SATL1: variants seen among roughly 807,000 people sequenced by gnomAD.
SATL1 encodes the protein spermidine/spermine N(1)-acetyltransferase-like protein 1.
SATL1 carries 47 observed loss-of-function variants against 51.8 expected under a neutral mutation model. The observed-to-expected ratio is 0.91, with a 90% CI of 0.72 to 1.16. SATL1 has a LOEUF of 1.16. Among genes scored for constraint, SATL1 ranks in the 50% most tolerant of loss-of-function variants. The probability of loss-of-function intolerance (pLI) is 0.00; values close to 1 mark genes in which losing one functional copy is unlikely to be tolerated. For synonymous variants in SATL1, 176 were observed against 182.4 expected (o/e 0.97, Z 0.28); for missense variants, 520 against 526.4 (o/e 0.99, Z 0.12).
chrX:85,161,907 T>C (rs2147728826), intron 2 of SATL1, among the ~76,000 whole-genome samples: 1 of 111,560 alleles, frequency 9.0e-6, no homozygotes, highest in East Asian at 2.8e-4. Context: ...GACCACACCA[T>C]TGGACATAAA....
chrX:85,103,542 T>C (rs1007136635), intron 4 of SATL1, among the ~76,000 whole-genome samples: 1 of 112,020 alleles, frequency 8.9e-6, no homozygotes, highest in African/African-American at 3.2e-5. Flanking sequence ...ATTTTGCTTT[T>C]ATCAATTTCC....
At chrX:85,237,691 A>T (rs1928507702) in intron 1 of SATL1, among the ~76,000 whole-genome samples, 2 of 111,710 alleles carry the variant, frequency 1.8e-5, no homozygotes, top group South Asian at 7.4e-4. Flanking sequence ...GAAGCACAGG[A>T]CCAAAGAAAA....
At chrX:85,204,757 C>T (rs922292036) in intron 2 of SATL1, among the ~76,000 whole-genome samples, 4 of 111,863 alleles carry the variant, frequency 3.6e-5, no homozygotes, top group Non-Finnish European at 5.6e-5. Flanking sequence ...ACTATTCATT[C>T]GCCAGATCTT....
At chrX:85,239,677 T>A (rs1047635248) in intron 1 of SATL1, among the ~76,000 whole-genome samples, 1 of 111,599 alleles carries the variant, frequency 9.0e-6, no homozygotes, top group African/African-American at 3.3e-5. Context: ...CACAAGTCAA[T>A]GGAACCTAAA....
chrX:85,127,847 C>T (rs1332805427), intron 2 of SATL1, among the ~76,000 whole-genome samples: 1 of 110,703 alleles, frequency 9.0e-6, no homozygotes, highest in Non-Finnish European at 1.9e-5. Flanking sequence ...GCCCTATGTC[C>T]AAGTGTTCTC....
chrX:85,165,878 A>C (rs1926823794), intron 2 of SATL1, among the ~76,000 whole-genome samples: 1 of 112,034 alleles, frequency 8.9e-6, no homozygotes, highest in African/African-American at 3.2e-5. Flanking sequence ...TTCAAACTGT[A>C]CTACCAGCCT....
intron 2 of SATL1, among the ~76,000 whole-genome samples, chrX:85,204,636 A>G (rs1452950864): frequency 9.0e-6 from 1 of 111,447 alleles, no homozygotes; most frequent in Non-Finnish European, 1.9e-5. Flanking sequence ...TTCCTCTCTA[A>G]TTGTTGGAGT....
Position 85,108,289 on chromosome X carries a change from C to A in SATL1, c.680G>T (p.Gly227Val), listed in dbSNP as rs919063411. 2 of 1,210,935 alleles carry A rather than the reference C, an allele frequency of 1.7e-6. No homozygotes were observed. The highest frequency in any genetic ancestry group is 4.6e-4 in the Middle Eastern group (2 of 4,349). Residue 227 changes from glycine (G) to valine (V), a missense_variant, in exon 3 of 8, where the codon GGC becomes GTC. Gly to Val is a moderately radical substitution (Grantham distance 109, BLOSUM62 -3). Around this residue, in one of 3 missense-constraint regions of SATL1, gnomAD observed 488 missense variants for 474.3 expected, o/e 1.03. Coordinates refer to ENST00000644105, the MANE Select transcript of SATL1 (RefSeq NM_001367857.2). ...TTGGCTAGTGTCTGGTTGCCTTATG[C>A]CTGGTTGGCTGGGGACTTGCTGGCT... is the stretch of plus-strand genomic sequence containing the variant. The part of the protein sequence containing the change: ...GMSQQVPSQP[G>V]IRQPDTSQSC...
intron 7 of SATL1, chrX:85,092,885 T>A (rs1346484569): frequency 1.2e-5 from 4 of 323,936 alleles, no homozygotes; most frequent in African/African-American, 2.6e-5. Flanking sequence ...ATATTCATAC[T>A]GTGAGCCTGT....
In SATL1 at chrX:85,110,439, A is replaced by G. The variant is rs750675020; in HGVS notation, c.-312-1159T>C. 1.2e-3 allele frequency among the ~76,000 whole-genome samples: 131 copies of G among 112,369 alleles called. 1 individual carries two copies. The highest frequency in any genetic ancestry group is 4.5e-3 in the Admixed American group (48 of 10,599). ...ATGGAATATTATTTATTTTTTAAAT[A>G]TACCAGAGAACTTTGGATGAGGCTG... On this transcript the variant is annotated intron_variant, in intron 2 of 7. Coordinates refer to ENST00000644105, the MANE Select transcript of SATL1 (RefSeq NM_001367857.2).
chrX:85,146,894 C>A (rs765213172), intron 2 of SATL1, among the ~76,000 whole-genome samples: 1 of 112,640 alleles, frequency 8.9e-6, no homozygotes, highest in East Asian at 2.8e-4. Context: ...ATGAGTGACA[C>A]AGAAGATGGG....
chrX:85,229,836 G>A (rs771785200), intron 1 of SATL1, among the ~76,000 whole-genome samples: 42 of 111,472 alleles, frequency 3.8e-4, no homozygotes, highest in Non-Finnish European at 7.0e-4. Context: ...TTACAATAGC[G>A]TCTAAAAGAA....
chrX:85,137,752 C>A (rs1397142841), intron 2 of SATL1, among the ~76,000 whole-genome samples: 1 of 109,971 alleles, frequency 9.1e-6, no homozygotes, highest in Non-Finnish European at 1.9e-5. Flanking sequence ...TTCTTCTGTT[C>A]TTTTCTTTCT....
intron 1 of SATL1, among the ~76,000 whole-genome samples, chrX:85,231,302 T>A (rs1928377533): frequency 8.9e-6 from 1 of 111,958 alleles, no homozygotes; most frequent in African/African-American, 3.2e-5. Flanking sequence ...AATAAACTAG[T>A]CACAGAAGGA....
At chrX:85,110,150 A>G (rs192641492) in intron 2 of SATL1, among the ~76,000 whole-genome samples, 74 of 112,064 alleles carry the variant, frequency 6.6e-4, no homozygotes, top group African/African-American at 2.3e-3. Context: ...AACTGACTCA[A>G]AAGATTTGGT....
At chrX:85,135,713 G>A (rs1455579193) in intron 2 of SATL1, among the ~76,000 whole-genome samples, 5 of 93,965 alleles carry the variant, frequency 5.3e-5, no homozygotes, top group Non-Finnish European at 1.1e-4. Context: ...AAGTAGCTGA[G>A]ACTATAGGCA....
chrX:85,214,574 G>A (rs1341293899), intron 2 of SATL1, among the ~76,000 whole-genome samples: 1 of 111,368 alleles, frequency 9.0e-6, no homozygotes, highest in Admixed American at 9.6e-5. Flanking sequence ...AATAGTTCCC[G>A]AAAACTTTAA....
At chrX:85,171,946 A>G (rs1157299113) in intron 2 of SATL1, among the ~76,000 whole-genome samples, 2 of 111,647 alleles carry the variant, frequency 1.8e-5, no homozygotes. Context: ...GCCATGGCAG[A>G]CTGACAGGAG....
intron 2 of SATL1, among the ~76,000 whole-genome samples, chrX:85,173,993 A>G (rs1416489301): frequency 3.0e-5 from 3 of 99,866 alleles, no homozygotes; most frequent in Non-Finnish European, 4.0e-5. Flanking sequence ...TCGTTGTTCA[A>G]TTCCCACCTA....
Sources: gnomAD v4.1 joint callset for allele counts (sites outside exome capture counted in the v4.1 genomes callset) on GRCh38, gnomAD v4.1.1 for gene constraint, gnomAD v4.1.1 regional missense constraint, MANE v1.5 for transcripts, NCBI Gene and HGNC (gene_info 2026-07-23, HGNC 2026-07-21) for gene names.